NLN: variants seen among roughly 807,000 people sequenced by gnomAD.
NLN encodes the protein neurolysin, mitochondrial.
A neutral mutation model predicts 79.9 loss-of-function variants in NLN; 64 were observed. That is an observed-to-expected ratio of 0.80 (90% CI 0.65 to 0.99). The LOEUF is 0.99. NLN is among the 50% of genes least tolerant of loss of function. The pLI is 0.00. For missense variants in NLN, 835 were observed against 858.7 expected (o/e 0.97, Z 0.34); for synonymous variants, 267 against 296.6 (o/e 0.90, Z 1.02).
chr5:65,809,592 G>A lies in NLN; in HGVS notation c.1605G>A (p.Trp535Ter). Residue 535 changes from tryptophan (W) to a stop codon, truncating the protein, a stop_gained, in exon 10 of 13, where the codon TGG (tryptophan) becomes TGA (stop). Coordinates refer to ENST00000380985, the MANE Select transcript of NLN (RefSeq NM_020726.5). LOFTEE classifies it high-confidence loss of function. ...VEVPSQMLENWVWDVDSLRRL... is the reference protein window; with the variant it reads ...VEVPSQMLEN ...TGCCATCGCAAATGCTTGAAAATTGGGTGTGGGACGTCGATTCCCTCCGAA... is the reference window on the plus strand; with the variant it reads ...TGCCATCGCAAATGCTTGAAAATTGAGTGTGGGACGTCGATTCCCTCCGAA... 5 of 1,613,878 alleles carry A rather than the reference G, an allele frequency of 3.1e-6. No homozygotes were observed. Among genetic ancestry groups the A allele is most frequent in the Non-Finnish European group, 4.2e-6 (5 of 1,179,942 alleles).
chr5:65,779,703 T>C (rs556840629), intron 4 of NLN, among the ~76,000 whole-genome samples: 1 of 152,358 alleles, frequency 6.6e-6, no homozygotes, highest in Non-Finnish European at 1.5e-5. Flanking sequence ...CTCCTAAATT[T>C]ATTCTTCAAA....
rs759067165 is a variant in NLN at position 65,780,278 on chromosome 5, C to T, written c.658C>T (p.Leu220Phe). 1.1e-5 allele frequency: 15 copies of T among 1,322,244 alleles called. No individual in the cohort carries two copies. The East Asian group carries it at 3.5e-4, about 31-fold the overall frequency. The allele number at this position is 1,322,244 out of a possible 1,614,324, so 81.9% of individuals were successfully genotyped here. ...DTFLVFSKAE[L>F]GALPDDFIDS... ...CTTCCTTGTATTTTCCAAGGCTGAA[C>T]TTGGTAAGTTTTATTATTTTTCTAG... Residue 220 changes from leucine (L) to phenylalanine (F), a missense_variant, in exon 5 of 13, where the codon CTT becomes TTT. Physicochemically the swap from Leu to Phe is conservative, Grantham distance 22 (BLOSUM62 0). Coordinates refer to ENST00000380985, the MANE Select transcript of NLN (RefSeq NM_020726.5).
intron 12 of NLN, chr5:65,819,041 GAGTGCCTA>G (rs1760735323): frequency 6.6e-6 from 1 of 152,150 alleles, no homozygotes; most frequent in African/African-American, 2.4e-5. Flanking sequence ...TGAGCAAAAT[GAGTGCCTA>G]AGTGCCTTAT....
Position 65,826,115 on chromosome 5 carries a change from A to T in NLN, c.*3200A>T, listed in dbSNP as rs1288534748. The stretch of plus-strand genomic sequence containing the variant: ...TTCCTCTTTTACTGACCACATCCCC[A>T]AAAGTGTCAGGTAGACATGTTACAA... On this transcript the variant is annotated 3_prime_UTR_variant, in exon 13 of 13. Coordinates refer to ENST00000380985, the MANE Select transcript of NLN (RefSeq NM_020726.5). 1 of 152,208 alleles carries T rather than the reference A, an allele frequency of 6.6e-6. No homozygotes were observed. The highest frequency in any genetic ancestry group is 1.5e-5 in the Non-Finnish European group (1 of 68,054). 9.4% of individuals were successfully genotyped at this position (152,208 alleles called of 1,614,324 possible).
At chr5:65,787,947 A>G (rs1013978085) in intron 7 of NLN, among the ~76,000 whole-genome samples, 171 bp from the exon 8 acceptor site, 1 of 152,158 alleles carries the variant, frequency 6.6e-6, no homozygotes, top group Admixed American at 6.5e-5. Context: ...CTTCCATAAT[A>G]CAGCCTGCTT....
intron 2 of NLN, among the ~76,000 whole-genome samples, 164 bp downstream of exon 2, chr5:65,758,990 G>A (rs550952761): frequency 6.6e-6 from 1 of 152,192 alleles, no homozygotes; most frequent in South Asian, 2.1e-4. Context: ...GTTGACAAAG[G>A]TGCTATAAAA....
At chr5:65,804,282 A>G (rs1484650260) in intron 9 of NLN, among the ~76,000 whole-genome samples, 1 of 152,196 alleles carries the variant, frequency 6.6e-6, no homozygotes, top group Non-Finnish European at 1.5e-5. Context: ...CCTTATCTCA[A>G]AAAGGGAGAT....
chr5:65,729,096 A>C (rs2150732183), intron 1 of NLN, among the ~76,000 whole-genome samples: 1 of 152,264 alleles, frequency 6.6e-6, no homozygotes, highest in East Asian at 1.9e-4. Context: ...TGCCCGCCTC[A>C]ACCTTCCAGA....
At chr5:65,807,652 G>T (rs993798568) in intron 9 of NLN, among the ~76,000 whole-genome samples, 3 of 152,134 alleles carry the variant, frequency 2.0e-5, no homozygotes, top group African/African-American at 7.2e-5. Context: ...TGTTGGCCAG[G>T]CTGGCTCGAA....
At chr5:65,730,064 TATTTATTG>T (rs1220910519) in intron 1 of NLN, among the ~76,000 whole-genome samples, 1 of 152,244 alleles carries the variant, frequency 6.6e-6, no homozygotes, top group Non-Finnish European at 1.5e-5. Flanking sequence ...ATTCACCAAA[TATTTATTG>T]TCTATTATAT....
At chr5:65,797,364 C>A (rs1245384599) in intron 9 of NLN, among the ~76,000 whole-genome samples, 1 of 152,204 alleles carries the variant, frequency 6.6e-6, no homozygotes, top group Admixed American at 6.5e-5. Flanking sequence ...AATTGTGTGA[C>A]ATGAAATCAT....
chr5:65,807,131 C>T (rs1156489906), intron 9 of NLN, among the ~76,000 whole-genome samples: 1 of 150,034 alleles, frequency 6.7e-6, no homozygotes, highest in Non-Finnish European at 1.5e-5. Flanking sequence ...GAGCTGAGAT[C>T]ATACCACTGC....
At chr5:65,747,971 C>T (rs1003486925) in intron 1 of NLN, among the ~76,000 whole-genome samples, 2 of 151,856 alleles carry the variant, frequency 1.3e-5, no homozygotes, top group Non-Finnish European at 2.9e-5. Flanking sequence ...GAGGCCAAGA[C>T]GGGTGGATCA....
chr5:65,792,301 A>G (rs1483698661), intron 8 of NLN, among the ~76,000 whole-genome samples, 153 bp from the exon 9 acceptor site: 1 of 152,202 alleles, frequency 6.6e-6, no homozygotes, highest in Non-Finnish European at 1.5e-5. Context: ...TAGTTTTTCC[A>G]TTTTAGCAAA....
At chr5:65,726,175 A>G (rs139705605) in intron 1 of NLN, among the ~76,000 whole-genome samples, 24 of 152,260 alleles carry the variant, frequency 1.6e-4, no homozygotes, top group African/African-American at 5.5e-4. Context: ...AGTTCAACCA[A>G]TTGCAAAAGT....
chr5:65,749,285 C>T (rs1579920980), intron 1 of NLN, among the ~76,000 whole-genome samples: 1 of 152,256 alleles, frequency 6.6e-6, no homozygotes, highest in East Asian at 1.9e-4. Flanking sequence ...ATGACAGCAA[C>T]AAAGAGAGTT....
intron 1 of NLN, among the ~76,000 whole-genome samples, chr5:65,754,323 C>A (rs1298187160): frequency 6.6e-6 from 1 of 152,168 alleles, no homozygotes; most frequent in African/African-American, 2.4e-5. Context: ...CAATCAAGGA[C>A]ATAAGTGTAC....
chr5:65,761,379 G>A (rs1240987614), intron 2 of NLN, among the ~76,000 whole-genome samples: 2 of 151,710 alleles, frequency 1.3e-5, no homozygotes, highest in African/African-American at 2.4e-5. Context: ...TGCAACCTCC[G>A]CCTCCCGGGT....
intron 12 of NLN, among the ~76,000 whole-genome samples, chr5:65,822,291 C>A (rs982847933): frequency 6.6e-6 from 1 of 152,226 alleles, no homozygotes; most frequent in Non-Finnish European, 1.5e-5. Flanking sequence ...CCCTTCTTCT[C>A]TCATCCATAA....
Sources: allele counts gnomAD v4.1 joint callset (sites outside exome capture counted in the v4.1 genomes callset), GRCh38; gene constraint gnomAD v4.1.1; transcripts MANE v1.5; gene names NCBI Gene and HGNC (gene_info 2026-07-23, HGNC 2026-07-21).